Variants in STRA8 observed in about 807,000 individuals in gnomAD.
STRA8 encodes the protein stimulated by retinoic acid gene 8 protein homolog.
STRA8 carries 18 observed loss-of-function variants against 37.1 expected under a neutral mutation model. The ratio of observed to expected loss-of-function variants is 0.48; its 90% confidence interval spans 0.34 to 0.72. STRA8 has a LOEUF of 0.72. Among genes scored for constraint, STRA8 ranks in the 30% least tolerant of loss-of-function variants. The pLI, the probability that STRA8 is intolerant of heterozygous loss-of-function variation, is 0.01. For missense variants in STRA8, 357 were observed against 410.4 expected, an observed-to-expected ratio of 0.87 and a Z score of 1.13; for synonymous variants, 168 against 162.9, an observed-to-expected ratio of 1.03 and a Z score of -0.24.
intron 8 of STRA8, 71 bp downstream of exon 8, chr7:135,255,296 A>G: frequency 8.5e-7 from 1 of 1,171,512 alleles, no homozygotes; most frequent in Non-Finnish European, 1.3e-6. Context: ...TCTTAAGGGC[A>G]GCCCTAACCA....
upstream of STRA8, chr7:135,232,064 C>T (rs749830057): frequency 1.9e-6 from 3 of 1,612,036 alleles, no homozygotes; most frequent in Admixed American, 1.7e-5. Flanking sequence ...AGTAACTTTC[C>T]CCCCAGGACT....
intron 6 of STRA8, among the ~76,000 whole-genome samples, chr7:135,248,265 C>A (rs1011939408): frequency 2.0e-5 from 3 of 152,234 alleles, no homozygotes; most frequent in African/African-American, 7.2e-5. Context: ...TTGCCCAGAA[C>A]TCCCAGCTCC....
chr7:135,235,774 A>T (rs1031049255), intron 1 of STRA8, among the ~76,000 whole-genome samples: 2 of 152,168 alleles, frequency 1.3e-5, no homozygotes. Flanking sequence ...AAACGTTCAG[A>T]CTATAATCTA....
At chr7:135,233,188 C>T (rs2117777794), upstream of STRA8, among the ~76,000 whole-genome samples, 1 of 152,290 alleles carries the variant, frequency 6.6e-6, no homozygotes, top group Admixed American at 6.5e-5. Flanking sequence ...TACCTACTTC[C>T]TACTACCCAG....
intron 6 of STRA8, among the ~76,000 whole-genome samples, chr7:135,250,235 G>A (rs1325272065): frequency 6.6e-6 from 1 of 152,176 alleles, no homozygotes; most frequent in African/African-American, 2.4e-5. Flanking sequence ...CTGGTCTGGG[G>A]TCCCCTCTCA....
chr7:135,232,626 GAA>G (rs371550258), upstream of STRA8, among the ~76,000 whole-genome samples: 1 of 147,686 alleles, frequency 6.8e-6, no homozygotes, highest in African/African-American at 2.5e-5. Context: ...CCTGTCTCAG[GAA>G]AAAAAAAATG....
At chr7:135,243,201 TC>T in intron 3 of STRA8, 124 bp from the exon 4 acceptor site, 1 of 860,606 alleles carries the variant, frequency 1.2e-6, no homozygotes, top group East Asian at 2.6e-5. Context: ...GACCCTGGTC[TC>T]CCTAATGCTG....
chr7:135,249,752 TTGAC>T (rs1832612837), intron 6 of STRA8, among the ~76,000 whole-genome samples: 1 of 152,208 alleles, frequency 6.6e-6, no homozygotes, highest in Admixed American at 6.5e-5. Context: ...TCTGCCAAAT[TTGAC>T]TGTGCCAGCA....
At chr7:135,235,881 G>A (rs1346813613) in intron 1 of STRA8, among the ~76,000 whole-genome samples, 1 of 152,208 alleles carries the variant, frequency 6.6e-6, no homozygotes, top group East Asian at 1.9e-4. Context: ...GGCCAAGATA[G>A]GAGGATCATT....
At chr7:135,233,357 G>T (rs565760500), upstream of STRA8, among the ~76,000 whole-genome samples, 22 of 151,604 alleles carry the variant, frequency 1.5e-4, no homozygotes, top group African/African-American at 5.1e-4. Context: ...CCTTCATGCC[G>T]TTTTCTCATG....
intron 7 of STRA8, among the ~76,000 whole-genome samples, chr7:135,253,875 T>C (rs1832670538): frequency 6.6e-6 from 1 of 152,182 alleles, no homozygotes; most frequent in Non-Finnish European, 1.5e-5. Context: ...CCAATGAATA[T>C]CTCATTGTCC....
chr7:135,254,840 A>T (rs762739195), intron 7 of STRA8, among the ~76,000 whole-genome samples: 1 of 152,192 alleles, frequency 6.6e-6, no homozygotes, highest in Admixed American at 6.5e-5. Context: ...TGAGGGATAG[A>T]GGAACTCTCG....
intron 2 of STRA8, among the ~76,000 whole-genome samples, chr7:135,240,976 A>G (rs1476846209): frequency 3.3e-5 from 5 of 152,202 alleles, no homozygotes; most frequent in African/African-American, 1.2e-4. Flanking sequence ...AGACAGGGCT[A>G]TCTTGCTGTG....
intron 6 of STRA8, among the ~76,000 whole-genome samples, chr7:135,248,365 C>T (rs1832594550): frequency 6.7e-6 from 1 of 149,702 alleles, no homozygotes. Flanking sequence ...TCCATTATCT[C>T]CCCTGATGCT....
chr7:135,252,057 G>T (rs2117821133), intron 7 of STRA8, among the ~76,000 whole-genome samples, 188 bp downstream of exon 7: 1 of 137,440 alleles, frequency 7.3e-6, no homozygotes, highest in South Asian at 2.3e-4. Flanking sequence ...CACCCCTGCT[G>T]GGGTGTTCAG....
Position 135,246,499 on chromosome 7 carries a change from G to T in STRA8, c.676G>T (p.Val226Phe). The T allele has an allele frequency of 1.3e-6, 2 of 1,578,178 alleles. No homozygotes were observed. Among genetic ancestry groups the T allele is most frequent in the Non-Finnish European group, 1.7e-6 (2 of 1,161,626 alleles). ...ITPQEAALPI[V>F]SAAISHLWQN... ...CCCGCAGGAGGCGGCGCTGCCCATCGTCTCCGCGGCCATCTCCCACCTGTG... is the reference window on the plus strand; with the variant it reads ...CCCGCAGGAGGCGGCGCTGCCCATCTTCTCCGCGGCCATCTCCCACCTGTG... Residue 226 changes from valine (V) to phenylalanine (F), a missense_variant, in exon 6 of 9, where the codon GTC becomes TTC. Coordinates refer to ENST00000662584, the MANE Select transcript of STRA8 (RefSeq NM_001394401.1). This position sits in a 1 kb window ranked among gnomAD's most constrained non-coding sequence, Gnocchi z 5.4.
At chr7:135,250,538 A>C (rs1327624373) in intron 6 of STRA8, among the ~76,000 whole-genome samples, 1 of 152,190 alleles carries the variant, frequency 6.6e-6, no homozygotes, top group East Asian at 1.9e-4. Flanking sequence ...CAGTTCCAGG[A>C]AGTCAATTGA....
At chr7:135,237,159 A>G (rs1832389860) in intron 1 of STRA8, among the ~76,000 whole-genome samples, 1 of 152,184 alleles carries the variant, frequency 6.6e-6, no homozygotes, top group Non-Finnish European at 1.5e-5. Flanking sequence ...TGGGTCATGG[A>G]ATAAATATTG....
At chr7:135,245,875 C>T (rs759297373) in intron 5 of STRA8, among the ~76,000 whole-genome samples, 1 of 152,132 alleles carries the variant, frequency 6.6e-6, no homozygotes, top group Non-Finnish European at 1.5e-5. Flanking sequence ...CACATACCCC[C>T]ACAAGTCCGC....
Sources: gnomAD v4.1 joint callset for allele counts (sites outside exome capture counted in the v4.1 genomes callset) on GRCh38, gnomAD v4.1.1 for gene constraint, Gnocchi (gnomAD v3.1) non-coding constraint, MANE v1.5 for transcripts, NCBI Gene and HGNC (gene_info 2026-07-23, HGNC 2026-07-21) for gene names.